Variants in GAS7 observed in about 807,000 individuals in gnomAD.
GAS7 encodes the protein growth arrest specific 7.
A neutral mutation model predicts 71.1 loss-of-function variants in GAS7; 28 were observed. The ratio of observed to expected loss-of-function variants is 0.39; its 90% CI spans 0.29 to 0.54. The LOEUF (loss-of-function observed/expected upper bound fraction) is 0.54, where lower values mean the gene tolerates loss of function less well. Among genes scored for constraint, GAS7 ranks in the 20% least tolerant of loss-of-function variants. GAS7 has a pLI of 0.62. For missense variants in GAS7, 436 were observed against 627.8 expected, an observed-to-expected ratio of 0.69 and a Z score of 3.27; for synonymous variants, 258 against 245.8, an observed-to-expected ratio of 1.05 and a Z score of -0.46.
chr17:10,034,515 A>C lies in GAS7; in HGVS notation c.184-14618T>G, dbSNP rs2072700409. ...GTAGACACGGGGTTTCACCACGTTG[A>C]CCAGGCTGGCCTTGAACTCCTGACC... On this transcript the variant is annotated intron_variant, in intron 1 of 13. Transcript: ENST00000432992. The surrounding 1 kb of genome is among the most constrained non-coding windows in gnomAD (Gnocchi z 4.4). Among the ~76,000 whole-genome samples, 2 of 151,966 alleles carry C rather than the reference A, an allele frequency of 1.3e-5. No individual in the cohort carries two copies. Among genetic ancestry groups the C allele is most frequent in the East Asian group, 3.9e-4 (2 of 5,174 alleles).
chr17:9,928,994 A>AT (rs1323774000), intron 9 of GAS7, among the ~76,000 whole-genome samples: 13 of 151,940 alleles, frequency 8.6e-5, no homozygotes, highest in East Asian at 1.9e-4. Context: ...ATGTCCTACT[A>AT]TTTTTTTTGA....
At chr17:10,031,955 C>A (rs1453442001) in intron 1 of GAS7, among the ~76,000 whole-genome samples, 1 of 151,908 alleles carries the variant, frequency 6.6e-6, no homozygotes, top group East Asian at 1.9e-4. Flanking sequence ...TGCCTAAAGG[C>A]CTTATGACTG....
chr17:10,047,517 A>T (rs1344696709), intron 1 of GAS7, among the ~76,000 whole-genome samples: 6 of 152,194 alleles, frequency 3.9e-5, no homozygotes, highest in Non-Finnish European at 7.3e-5. Context: ...AAGAATGCAT[A>T]AAGAGGGGAA....
chr17:9,946,059 T>C (rs2068775609), intron 6 of GAS7, among the ~76,000 whole-genome samples: 1 of 152,206 alleles, frequency 6.6e-6, no homozygotes, highest in South Asian at 2.1e-4. Context: ...CTTTGGACAC[T>C]TGTTTTTTTG....
intron 1 of GAS7, among the ~76,000 whole-genome samples, chr17:10,138,038 C>T (rs1025294292): frequency 1.3e-5 from 2 of 151,936 alleles, no homozygotes; most frequent in African/African-American, 4.8e-5. Context: ...TCTTGGCTCA[C>T]TGCAAGCTCC....
At chr17:10,073,234 G>A (rs2073359279) in intron 1 of GAS7, among the ~76,000 whole-genome samples, 1 of 152,212 alleles carries the variant, frequency 6.6e-6, no homozygotes, top group South Asian at 2.1e-4. Context: ...ACAAGAAAAT[G>A]AGGGCAGATG....
intron 1 of GAS7, among the ~76,000 whole-genome samples, chr17:10,045,943 T>C (rs543924891): frequency 5.6e-4 from 86 of 152,320 alleles, no homozygotes; most frequent in Middle Eastern, 3.4e-3. Flanking sequence ...ATAATATCTA[T>C]GAAATCACAG....
chr17:10,086,979 G>A (rs939874792), intron 1 of GAS7, among the ~76,000 whole-genome samples: 1 of 152,192 alleles, frequency 6.6e-6, no homozygotes, highest in Non-Finnish European at 1.5e-5. Context: ...AGAAAATCTT[G>A]AGTGGCTCCC....
chr17:9,933,928 G>A (rs1175514005), intron 9 of GAS7, among the ~76,000 whole-genome samples: 1 of 151,880 alleles, frequency 6.6e-6, no homozygotes, highest in Non-Finnish European at 1.5e-5. Flanking sequence ...TATTTTCCAT[G>A]CTCTTGGTGG....
chr17:10,189,838 C>T (rs938422034), intron 1 of GAS7, among the ~76,000 whole-genome samples: 2 of 151,818 alleles, frequency 1.3e-5, no homozygotes, highest in South Asian at 2.1e-4. Context: ...ACTTGGGAAG[C>T]TGAGGCATGA....
At chr17:10,128,370 A>G (rs979766747) in intron 1 of GAS7, among the ~76,000 whole-genome samples, 1 of 152,206 alleles carries the variant, frequency 6.6e-6, no homozygotes, top group East Asian at 1.9e-4. Flanking sequence ...AGGAGCCATT[A>G]GAGGGAGTGG....
chr17:10,078,370 G>A (rs756365867), intron 1 of GAS7, among the ~76,000 whole-genome samples: 4 of 152,180 alleles, frequency 2.6e-5, no homozygotes, highest in Non-Finnish European at 5.9e-5. Context: ...GGGATTACAG[G>A]CATGAGTCAC....
chr17:10,116,194 C>G (rs1567598385), intron 1 of GAS7, among the ~76,000 whole-genome samples: 1 of 152,120 alleles, frequency 6.6e-6, no homozygotes, highest in South Asian at 2.1e-4. Flanking sequence ...GCCTGTGGTC[C>G]CAGCTACTCA....
intron 3 of GAS7, among the ~76,000 whole-genome samples, chr17:9,972,580 C>G (rs942937925): frequency 3.9e-5 from 6 of 152,154 alleles, no homozygotes; most frequent in Non-Finnish European, 8.8e-5. Context: ...TAGTAAACAT[C>G]ATATCCTACA....
intron 1 of GAS7, among the ~76,000 whole-genome samples, chr17:10,068,021 T>A (rs2073300335): frequency 6.6e-6 from 1 of 152,230 alleles, no homozygotes; most frequent in East Asian, 1.9e-4. Flanking sequence ...GTCATTCCCA[T>A]GAAAACTATT....
At chr17:10,126,989 G>A (rs1469618578) in intron 1 of GAS7, among the ~76,000 whole-genome samples, 1 of 152,212 alleles carries the variant, frequency 6.6e-6, no homozygotes, top group Admixed American at 6.5e-5. Context: ...TGTGAGTGCA[G>A]GCTGTTTACT....
intron 2 of GAS7, among the ~76,000 whole-genome samples, chr17:9,985,168 C>T (rs146043648): frequency 1.2e-3 from 187 of 152,302 alleles, no homozygotes; most frequent in Non-Finnish European, 2.1e-3. Context: ...CCATGTCACT[C>T]CAGAGCCAGT....
chr17:10,135,904 G>A (rs1317861835), intron 1 of GAS7, among the ~76,000 whole-genome samples: 1 of 152,166 alleles, frequency 6.6e-6, no homozygotes, highest in Non-Finnish European at 1.5e-5. Flanking sequence ...ACTTGAGGCT[G>A]TAATATTAGG....
At chr17:10,079,995 T>C (rs754220415) in intron 1 of GAS7, among the ~76,000 whole-genome samples, 6 of 152,184 alleles carry the variant, frequency 3.9e-5, no homozygotes, top group Non-Finnish European at 8.8e-5. Context: ...CCATCTTGTA[T>C]AGAGGCTGGG....
Sources: gnomAD v4.1 joint callset for allele counts (sites outside exome capture counted in the v4.1 genomes callset) on GRCh38, gnomAD v4.1.1 for gene constraint, Gnocchi (gnomAD v3.1) non-coding constraint, MANE v1.5 for transcripts, NCBI Gene and HGNC (gene_info 2026-07-23, HGNC 2026-07-21) for gene names.